GNG12: variants seen among roughly 807,000 people sequenced by gnomAD.
GNG12 encodes guanine nucleotide-binding protein G(I)/G(S)/G(O) subunit gamma-12.
For synonymous variants in GNG12, 28 were observed against 29.7 expected (o/e 0.94, Z 0.19); for missense variants, 69 against 83.8 (o/e 0.82, Z 0.69).
intron 1 of GNG12, among the ~76,000 whole-genome samples, chr1:67,815,007 T>C (rs1027665446): frequency 2.0e-5 from 3 of 152,252 alleles, no homozygotes; most frequent in African/African-American, 7.2e-5. Flanking sequence ...GATTCCATTT[T>C]TCATTTTTAT....
At chr1:67,739,943 T>C (rs1570502824) in intron 2 of GNG12, among the ~76,000 whole-genome samples, 1 of 152,242 alleles carries the variant, frequency 6.6e-6, no homozygotes, top group Non-Finnish European at 1.5e-5. Context: ...CCTAAGGAAA[T>C]AATCCAAAGT....
At chr1:67,709,881 TA>T (rs1557591765) in intron 2 of GNG12, among the ~76,000 whole-genome samples, 1 of 116,272 alleles carries the variant, frequency 8.6e-6, no homozygotes, top group Non-Finnish European at 1.7e-5. Context: ...TATATATTTA[TA>T]TATATAGTTA....
At chr1:67,805,881 T>C (rs1230937535) in intron 1 of GNG12, among the ~76,000 whole-genome samples, 3 of 129,760 alleles carry the variant, frequency 2.3e-5, no homozygotes, top group Non-Finnish European at 5.0e-5. Context: ...AAATCAAAGA[T>C]AAAAACTTTT....
intron 2 of GNG12, among the ~76,000 whole-genome samples, chr1:67,725,164 A>G (rs1646378778): frequency 6.6e-6 from 1 of 152,074 alleles, no homozygotes; most frequent in Non-Finnish European, 1.5e-5. Flanking sequence ...CAGACATCCA[A>G]TTTTTACTTG....
intron 2 of GNG12, among the ~76,000 whole-genome samples, chr1:67,728,355 T>C (rs992893203): frequency 6.6e-6 from 1 of 152,182 alleles, no homozygotes; most frequent in Non-Finnish European, 1.5e-5. Context: ...GTCTCCCTGA[T>C]TGCTCTGTCT....
intron 2 of GNG12, among the ~76,000 whole-genome samples, chr1:67,714,303 C>A (rs1359168225): frequency 6.6e-6 from 1 of 152,162 alleles, no homozygotes; most frequent in Non-Finnish European, 1.5e-5. Flanking sequence ...TTACACTATG[C>A]CTTGGATATT....
chr1:67,754,847 C>T lies in GNG12; in HGVS notation c.-27+22611G>A, dbSNP rs1646559126. On this transcript the variant is annotated intron_variant, in intron 2 of 3. Transcript: ENST00000370982. Reference sequence around the variant, plus strand: ...TTAATCACTCCTTGTGTAGCAGGCACTCCAGCCTGCTACCTGACAGCCATC... The same window carrying T: ...TTAATCACTCCTTGTGTAGCAGGCATTCCAGCCTGCTACCTGACAGCCATC... Among the ~76,000 whole-genome samples the T allele has an allele frequency of 2.0e-5, 3 of 152,194 alleles. 1 individual carries two copies. The South Asian group carries it at 6.2e-4, about 31-fold the overall frequency.
At chr1:67,768,017 A>C (rs1451688443) in intron 2 of GNG12, among the ~76,000 whole-genome samples, 1 of 152,234 alleles carries the variant, frequency 6.6e-6, no homozygotes, top group Non-Finnish European at 1.5e-5. Flanking sequence ...GCTCAAGGGA[A>C]TCCTTGGCTT....
intron 1 of GNG12, among the ~76,000 whole-genome samples, chr1:67,794,726 T>C (rs918027007): frequency 1.3e-5 from 2 of 152,236 alleles, no homozygotes; most frequent in South Asian, 2.1e-4. Flanking sequence ...TCCTCTAACG[T>C]AGAATTGAGA....
chr1:67,794,823 G>A (rs778586468), intron 1 of GNG12, among the ~76,000 whole-genome samples: 11 of 152,256 alleles, frequency 7.2e-5, no homozygotes, highest in South Asian at 4.1e-4. Flanking sequence ...GAGGCCCTTC[G>A]GCTTTCTCAA....
intron 2 of GNG12, among the ~76,000 whole-genome samples, chr1:67,709,928 A>T (rs1315495917): frequency 2.7e-5 from 1 of 37,006 alleles, no homozygotes; most frequent in African/African-American, 1.1e-4. Context: ...ATATAGTTAT[A>T]TATATAGTTA....
chr1:67,774,204 G>T (rs1646691362), intron 2 of GNG12, among the ~76,000 whole-genome samples: 1 of 152,132 alleles, frequency 6.6e-6, no homozygotes, highest in South Asian at 2.1e-4. Context: ...TTTCCTTCTG[G>T]TACTGATTGC....
At chr1:67,711,142 C>T (rs566070489) in intron 2 of GNG12, among the ~76,000 whole-genome samples, 14 of 152,302 alleles carry the variant, frequency 9.2e-5, no homozygotes, top group Non-Finnish European at 2.1e-4. Context: ...AATTTTTACA[C>T]CTTCATAGAT....
At chr1:67,712,515 A>G (rs1025240067) in intron 2 of GNG12, among the ~76,000 whole-genome samples, 2 of 152,082 alleles carry the variant, frequency 1.3e-5, no homozygotes, top group African/African-American at 4.8e-5. Context: ...CATAGTAAAA[A>G]CTAGTCTCTA....
chr1:67,817,057 T>C (rs755675557), intron 1 of GNG12, among the ~76,000 whole-genome samples: 1 of 152,156 alleles, frequency 6.6e-6, no homozygotes, highest in South Asian at 2.1e-4. Context: ...TGCCTATCAC[T>C]GACAATATAA....
At chr1:67,732,286 C>G (rs946396570) in intron 2 of GNG12, among the ~76,000 whole-genome samples, 1 of 152,344 alleles carries the variant, frequency 6.6e-6, no homozygotes, top group Non-Finnish European at 1.5e-5. Flanking sequence ...GGGGGACCCC[C>G]AGTATAAAGC....
intron 2 of GNG12, among the ~76,000 whole-genome samples, chr1:67,722,705 T>G (rs1195823431): frequency 6.6e-6 from 1 of 151,788 alleles, no homozygotes; most frequent in African/African-American, 2.4e-5. Flanking sequence ...CCACCAAAGG[T>G]TTCTGAGCAG....
At chr1:67,756,317 A>G (rs1018867378) in intron 2 of GNG12, among the ~76,000 whole-genome samples, 1 of 152,244 alleles carries the variant, frequency 6.6e-6, no homozygotes, top group Non-Finnish European at 1.5e-5. Context: ...TGTAGTTTAT[A>G]AAAAGCTAAT....
chr1:67,832,588 G>C (rs752936564), intron 1 of GNG12, among the ~76,000 whole-genome samples: 14 of 149,918 alleles, frequency 9.3e-5, no homozygotes, highest in Non-Finnish European at 2.1e-4. Flanking sequence ...TGCCCCACGG[G>C]ATAACTGTCG....
Sources: allele counts gnomAD v4.1 joint callset (sites outside exome capture counted in the v4.1 genomes callset), GRCh38; gene constraint gnomAD v4.1.1; transcripts MANE v1.5; gene names NCBI Gene and HGNC (gene_info 2026-07-23, HGNC 2026-07-21).